Variants in NLRP7 observed in about 807,000 individuals in gnomAD.
The protein encoded by NLRP7 is NACHT, LRR and PYD domains-containing protein 7.
NLRP7 carries 72 observed loss-of-function variants against 85.5 expected under a neutral mutation model. The ratio of observed to expected loss-of-function variants is 0.84; its 90% CI spans 0.70 to 1.02. NLRP7 has a LOEUF of 1.02. Ranked by LOEUF, NLRP7 falls within the 50% of genes least tolerant of loss-of-function variation. The probability of loss-of-function intolerance (pLI) is 0.00; values close to 1 mark genes in which losing one functional copy is unlikely to be tolerated. For missense variants in NLRP7, 1,243 were observed against 1,219.5 expected (o/e 1.02, Z -0.29); for synonymous variants, 550 against 505.2 (o/e 1.09, Z -1.19).
rs543019983 is a variant in NLRP7, at chr19:54,939,651, G to A, written c.1168C>T (p.Arg390Cys). Residue 390 changes from arginine (R) to cysteine (C), a missense_variant, in exon 4 of 10, where the codon CGC (arginine) becomes TGC (cysteine). Around this residue, in one of 3 missense-constraint regions of NLRP7, gnomAD observed 591 missense variants for 563.3 expected, o/e 1.05. Transcript: ENST00000340844. The stretch of plus-strand genomic sequence containing the variant: ...AGGAAACGCAGGAACAGCCCCGTGC[G>A]GGTGAGGCAGGTGGGGACCGGGTCC... 5.8e-5 allele frequency: 93 copies of A among 1,611,944 alleles called. 2 individuals are homozygous for A. The Admixed American group carries it at 9.2e-4, about 16-fold the overall frequency.
intron 6 of NLRP7, 24 bp downstream of exon 6, chr19:54,936,237 G>A (rs1439308993): frequency 6.2e-7 from 1 of 1,607,644 alleles, no homozygotes; most frequent in African/African-American, 1.3e-5. Context: ...AGGTGCTGGG[G>A]AGAGCCGTGA....
intron 1 of NLRP7, among the ~76,000 whole-genome samples, chr19:54,955,065 C>T (rs113947131): frequency 0.073 from 11,069 of 152,186 alleles, 503 homozygotes; most frequent in Non-Finnish European, 0.097. Context: ...CGGTGGCTCA[C>T]GCCTGCAATC....
At chr19:54,949,382 C>G (rs898099440), upstream of NLRP7, among the ~76,000 whole-genome samples, 1 of 151,638 alleles carries the variant, frequency 6.6e-6, no homozygotes, top group East Asian at 1.9e-4. Flanking sequence ...TCAAGACCAG[C>G]CTGGGCAATA....
chr19:54,947,529 G>C (rs1277440448), upstream of NLRP7: 5 of 1,289,550 alleles, frequency 3.9e-6, no homozygotes, highest in Non-Finnish European at 5.1e-6. Flanking sequence ...GGATAAAAAG[G>C]GGAGGTCTCT....
chr19:54,962,509 G>A (rs2070081080), intron 1 of NLRP7, among the ~76,000 whole-genome samples: 1 of 151,582 alleles, frequency 6.6e-6, no homozygotes, highest in Non-Finnish European at 1.5e-5. Context: ...GACCTCAGGT[G>A]ATCCACCCGC....
intron 1 of NLRP7, among the ~76,000 whole-genome samples, chr19:54,956,365 T>C (rs1468227300): frequency 1.3e-5 from 2 of 151,936 alleles, no homozygotes; most frequent in Admixed American, 1.3e-4. Flanking sequence ...ACATACATTT[T>C]TGGTGAAGTA....
intron 8 of NLRP7, among the ~76,000 whole-genome samples, chr19:54,930,938 G>A (rs1470655556): frequency 2.0e-5 from 3 of 151,918 alleles, no homozygotes; most frequent in South Asian, 2.1e-4. Context: ...CAGGAGAATC[G>A]CTTGAATCCG....
intron 9 of NLRP7, among the ~76,000 whole-genome samples, chr19:54,926,205 G>GGTGGGTGTGT (rs1556723468): frequency 2.1e-5 from 3 of 143,642 alleles, no homozygotes; most frequent in South Asian, 2.2e-4. Flanking sequence ...AATGATTAGG[G>GGTGGGTGTGT]GTGTGTGTGT....
exon 2 of NLRP7, chr19:54,941,466 T>C: frequency 6.2e-7 from 1 of 1,609,834 alleles, no homozygotes; most frequent in Non-Finnish European, 8.5e-7. Context: ...TCTTACACAA[T>C]TCCGTGAGAT....
chr19:54,935,269 G>A (rs1040873217), intron 6 of NLRP7, among the ~76,000 whole-genome samples: 1 of 151,880 alleles, frequency 6.6e-6, no homozygotes, highest in Admixed American at 6.6e-5. Context: ...TCGCTCTGTT[G>A]CCCAGGCTGG....
chr19:54,939,205 A>G (rs200193926), exon 4 of NLRP7: 2 of 1,614,248 alleles, frequency 1.2e-6, no homozygotes, highest in South Asian at 1.1e-5. Context: ...TCCGGCAGCC[A>G]AAAGTGGCCT....
exon 4 of NLRP7, chr19:54,939,220 C>T (rs2069087706): frequency 1.9e-6 from 3 of 1,614,260 alleles, no homozygotes; most frequent in African/African-American, 2.7e-5. Flanking sequence ...TGGCCTCCAA[C>T]TCCTTGGCTC....
At chr19:54,952,862 A>T (rs1365915369) in intron 1 of NLRP7, among the ~76,000 whole-genome samples, 1 of 151,936 alleles carries the variant, frequency 6.6e-6, no homozygotes, top group Admixed American at 6.6e-5. Context: ...CTCCAAAAAA[A>T]ACAAAAATGA....
chr19:54,936,235 G>A, intron 6 of NLRP7, 26 bp downstream of exon 6: 1 of 1,606,592 alleles, frequency 6.2e-7, no homozygotes, highest in Admixed American at 1.7e-5. Context: ...CCAGGTGCTG[G>A]GGAGAGCCGT....
upstream of NLRP7, among the ~76,000 whole-genome samples, chr19:54,950,673 G>A (rs1342130845): frequency 1.3e-5 from 2 of 151,248 alleles, no homozygotes; most frequent in African/African-American, 2.4e-5. Flanking sequence ...GCCCTAAGGC[G>A]GTTTTCCCCT....
At chr19:54,938,139 C>T (rs374176129) in exon 5 of NLRP7, 10 of 1,614,030 alleles carry the variant, frequency 6.2e-6, no homozygotes, top group Non-Finnish European at 8.5e-6. Context: ...CTTCCAGAAA[C>T]TTGAGGTTGC....
exon 3 of NLRP7, chr19:54,941,005 T>C (rs2069197823): frequency 6.2e-7 from 1 of 1,601,300 alleles, no homozygotes; most frequent in African/African-American, 1.3e-5. Flanking sequence ...CTGTCCGTCC[T>C]CTGTAAAATA....
At chr19:54,938,175 A>G (rs747707662) in exon 5 of NLRP7, 8 of 1,613,940 alleles carry the variant, frequency 5.0e-6, no homozygotes, top group South Asian at 3.3e-5. Context: ...GAGAGCAGAA[A>G]TCTGTCCAGA....
At chr19:54,962,655 A>G (rs1366189320) in intron 1 of NLRP7, among the ~76,000 whole-genome samples, 2 of 150,714 alleles carry the variant, frequency 1.3e-5, no homozygotes, top group South Asian at 2.1e-4. Context: ...GCTGGAGTGC[A>G]GTGGCGCGAT....
Sources: gnomAD v4.1 joint callset for allele counts (sites outside exome capture counted in the v4.1 genomes callset) on GRCh38, gnomAD v4.1.1 for gene constraint, gnomAD v4.1.1 regional missense constraint, MANE v1.5 for transcripts, NCBI Gene and HGNC (gene_info 2026-07-23, HGNC 2026-07-21) for gene names.